Variants in TMEM267 observed in about 807,000 individuals in gnomAD.
TMEM267 encodes transmembrane protein 267.
In TMEM267, 20 loss-of-function variants were observed where a neutral mutation model predicts 19.3. The observed-to-expected ratio is 1.04, with a 90% confidence interval of 0.73 to 1.51. The LOEUF (loss-of-function observed/expected upper bound fraction) is 1.51. Ranked by LOEUF, TMEM267 falls within the 40% of genes most tolerant of loss-of-function variation. The pLI is 0.00. For missense variants in TMEM267, 242 were observed against 261.9 expected (o/e 0.92, Z 0.52); for synonymous variants, 88 against 90.3 (o/e 0.97, Z 0.15).
chr5:43,466,052 A>T (rs1743650078), intron 1 of TMEM267, among the ~76,000 whole-genome samples: 1 of 152,178 alleles, frequency 6.6e-6, no homozygotes, highest in Non-Finnish European at 1.5e-5. Flanking sequence ...TTGGCTGTAA[A>T]GATGAGACAG....
At chr5:43,450,600 T>C (rs1742528838) in intron 2 of TMEM267, among the ~76,000 whole-genome samples, 1 of 152,206 alleles carries the variant, frequency 6.6e-6, no homozygotes, top group South Asian at 2.1e-4. Flanking sequence ...ACTTCCCCCA[T>C]ACTGTGCAGT....
chr5:43,475,750 A>G (rs7710485), intron 1 of TMEM267, among the ~76,000 whole-genome samples: 2,673 of 152,326 alleles, frequency 0.018, 78 homozygotes, highest in African/African-American at 0.061. Flanking sequence ...TGGTTAGTTC[A>G]AGGTATGAAC....
chr5:43,454,042 C>T lies in TMEM267; in HGVS notation c.-73G>A. The T allele has an allele frequency of 6.6e-7, 1 of 1,521,826 alleles. No homozygotes were observed. The highest frequency in any genetic ancestry group is 1.8e-4 in the Middle Eastern group (1 of 5,646). The allele number at this position is 1,521,826 out of a possible 1,614,324, so 94.3% of individuals were successfully genotyped here. A position where few individuals can be genotyped will look rare whatever the true frequency, so the allele number is the denominator to read the frequency against. On this transcript the variant is annotated splice_region_variant and 5_prime_UTR_variant, in exon 2 of 3. It adds an upstream start codon to the 5' untranslated region. Transcript: ENST00000397080. Reference sequence around the variant, plus strand: ...TCTATTCTTGTTTACATTTCCAGCACCCTAAAGGAGAAAGTAGAGAAAAAT... The same window carrying T: ...TCTATTCTTGTTTACATTTCCAGCATCCTAAAGGAGAAAGTAGAGAAAAAT...
At chr5:43,458,458 C>CA (rs1396140410) in intron 1 of TMEM267, among the ~76,000 whole-genome samples, 1 of 152,092 alleles carries the variant, frequency 6.6e-6, no homozygotes, top group African/African-American at 2.4e-5. Flanking sequence ...TAAAAGTCTA[C>CA]AAAATACAAA....
Position 43,452,940 on chromosome 5 carries a change from T to C in TMEM267, c.312+718A>G, listed in dbSNP as rs1333361803. 4.6e-5 allele frequency among the ~76,000 whole-genome samples: 7 copies of C among 152,362 alleles called. No homozygotes were observed. In the East Asian group the frequency reaches 1.2e-3, roughly 25 times the overall value. ...GCTCTATGAGTTTAGATTTCTTTCC[T>C]GAAATGTTTATAGATCATAAGCACG... is the stretch of plus-strand genomic sequence containing the variant. On this transcript the variant is annotated intron_variant, in intron 2 of 2. Transcript: ENST00000397080.
rs554533812 is a variant in TMEM267, at chr5:43,478,038, T to C, written c.-75+5784A>G. 2.6e-5 allele frequency among the ~76,000 whole-genome samples: 4 copies of C among 152,322 alleles called. No homozygotes were observed. The South Asian group carries it at 8.3e-4, about 32-fold the overall frequency. Reference sequence around the variant, plus strand: ...GGACACCATCATAAGTAAAGGAACATCTGTATAGATGAACATGGGTTCTAT... The same window carrying C: ...GGACACCATCATAAGTAAAGGAACACCTGTATAGATGAACATGGGTTCTAT... On this transcript the variant is annotated intron_variant, in intron 1 of 2. Coordinates refer to ENST00000397080, the MANE Select transcript of TMEM267 (RefSeq NM_022483.5).
At chr5:43,451,163 T>C (rs1579785661) in intron 2 of TMEM267, among the ~76,000 whole-genome samples, 1 of 152,144 alleles carries the variant, frequency 6.6e-6, no homozygotes, top group Non-Finnish European at 1.5e-5. Flanking sequence ...ATGTCACTTA[T>C]CATGCTTATT....
At chr5:43,465,825 G>A (rs1743627440) in intron 1 of TMEM267, among the ~76,000 whole-genome samples, 1 of 151,882 alleles carries the variant, frequency 6.6e-6, no homozygotes, top group South Asian at 2.1e-4. Context: ...AAGTGGGGAG[G>A]GATAGCATTA....
chr5:43,445,986 T>G lies in TMEM267; in HGVS notation c.*236A>C, dbSNP rs1742211681. Reference sequence around the variant, plus strand: ...ATAGAAAAAAACAGTAAAAATATATTGTGGAATAAATGAAACTCTAATATT... The same window carrying G: ...ATAGAAAAAAACAGTAAAAATATATGGTGGAATAAATGAAACTCTAATATT... On this transcript the variant is annotated 3_prime_UTR_variant, in exon 3 of 3. Transcript: ENST00000397080. 3.9e-6 allele frequency: 1 copy of G among 255,818 alleles called. No homozygotes were observed. The highest frequency in any genetic ancestry group is 7.3e-6 in the Non-Finnish European group (1 of 136,134). 15.8% of individuals were successfully genotyped at this position (255,818 alleles called of 1,614,324 possible). A position where few individuals can be genotyped will look rare whatever the true frequency, so the allele number is the denominator to read the frequency against.
At chr5:43,460,638 G>A (rs1172622077) in intron 1 of TMEM267, among the ~76,000 whole-genome samples, 1 of 152,160 alleles carries the variant, frequency 6.6e-6, no homozygotes, top group Non-Finnish European at 1.5e-5. Context: ...GCAGAGTGGG[G>A]CAGAGAGCAT....
chr5:43,480,177 G>T (rs1744674757), intron 1 of TMEM267, among the ~76,000 whole-genome samples: 1 of 152,096 alleles, frequency 6.6e-6, no homozygotes, highest in East Asian at 1.9e-4. Context: ...CTTCAATAAA[G>T]TATGGCCTGT....
chr5:43,464,729 G>C (rs1351547533), intron 1 of TMEM267, among the ~76,000 whole-genome samples: 1 of 152,236 alleles, frequency 6.6e-6, no homozygotes, highest in African/African-American at 2.4e-5. Context: ...TTAATAAATG[G>C]TGCTGGGAAA....
intron 1 of TMEM267, among the ~76,000 whole-genome samples, chr5:43,458,796 G>T (rs565773628): frequency 2.0e-5 from 3 of 152,190 alleles, no homozygotes; most frequent in South Asian, 4.2e-4. Flanking sequence ...TGAAAAAGTT[G>T]ATTACCCAAA....
intron 1 of TMEM267, among the ~76,000 whole-genome samples, chr5:43,477,590 C>CAAA (rs10717949): frequency 1.6e-4 from 13 of 80,588 alleles, no homozygotes; most frequent in African/African-American, 2.4e-4. Context: ...GACTCCGTCT[C>CAAA]AAAAAAAAAA....
intron 1 of TMEM267, among the ~76,000 whole-genome samples, chr5:43,455,897 A>G (rs1385729965): frequency 6.6e-6 from 1 of 151,534 alleles, no homozygotes; most frequent in Non-Finnish European, 1.5e-5. Context: ...GTGTAGTGGC[A>G]CAGTTATGGC....
At chr5:43,467,380 G>A (rs540586488) in intron 1 of TMEM267, among the ~76,000 whole-genome samples, 7 of 152,134 alleles carry the variant, frequency 4.6e-5, no homozygotes, top group Admixed American at 1.3e-4. Context: ...GACTGAAAGT[G>A]AAGGGATGGG....
At chr5:43,478,561 A>C (rs2112213418) in intron 1 of TMEM267, among the ~76,000 whole-genome samples, 1 of 152,334 alleles carries the variant, frequency 6.6e-6, no homozygotes, top group East Asian at 1.9e-4. Flanking sequence ...TCTGATAGGC[A>C]TGACTACACA....
At chr5:43,454,208 A>ATTT (rs374076278) in intron 1 of TMEM267, among the ~76,000 whole-genome samples, 165 bp from the exon 2 acceptor site, 3 of 133,642 alleles carry the variant, frequency 2.2e-5, no homozygotes, top group Admixed American at 1.5e-4. Context: ...AGGAGAATAG[A>ATTT]TTTTTTTTTT....
intron 1 of TMEM267, among the ~76,000 whole-genome samples, chr5:43,464,379 C>A (rs1445064384): frequency 6.6e-6 from 1 of 152,120 alleles, no homozygotes; most frequent in Admixed American, 6.6e-5. Flanking sequence ...GGCCATACTG[C>A]CCAAGGTAAT....
Sources: allele counts gnomAD v4.1 joint callset (sites outside exome capture counted in the v4.1 genomes callset), GRCh38; gene constraint gnomAD v4.1.1; transcripts MANE v1.5; gene names NCBI Gene and HGNC (gene_info 2026-07-23, HGNC 2026-07-21).